Variants in IL34 observed in about 807,000 individuals in gnomAD.
IL34 encodes interleukin 34, also known as interleukin-34.
Under a neutral mutation model 25.3 loss-of-function variants are expected in IL34, and 17 were observed. The observed-to-expected ratio is 0.67, with a 90% confidence interval of 0.46 to 1.01. The LOEUF (loss-of-function observed/expected upper bound fraction) is 1.01. IL34 is among the 50% of genes least tolerant of loss of function. IL34 has a pLI of 0.00. For missense variants in IL34, 368 were observed against 312.9 expected (o/e 1.18, Z -1.33); for synonymous variants, 174 against 140.9 (o/e 1.23, Z -1.66).
intron 1 of IL34, among the ~76,000 whole-genome samples, chr16:70,586,311 C>A (rs546425774): frequency 6.6e-6 from 1 of 152,326 alleles, no homozygotes; most frequent in South Asian, 2.1e-4. Context: ...TGGTGGCTCA[C>A]ATCTGTAATC....
chr16:70,649,298 C>T (rs746631139), intron 1 of IL34, among the ~76,000 whole-genome samples: 13 of 152,178 alleles, frequency 8.5e-5, no homozygotes, highest in Non-Finnish European at 2.9e-5. Flanking sequence ...TTTATACCCA[C>T]CTTTAATTGC....
chr16:70,637,497 C>G (rs979431140), intron 1 of IL34, among the ~76,000 whole-genome samples: 1 of 150,866 alleles, frequency 6.6e-6, no homozygotes, highest in South Asian at 2.2e-4. Flanking sequence ...AGGCATACAC[C>G]ATCAGGCCCG....
intron 1 of IL34, among the ~76,000 whole-genome samples, chr16:70,623,020 G>A (rs2051313974): frequency 6.6e-6 from 1 of 152,044 alleles, no homozygotes; most frequent in African/African-American, 2.4e-5. Flanking sequence ...TGTTTTGTAA[G>A]GGATTGAGGT....
At chr16:70,658,736 G>A (rs899591330) in intron 4 of IL34, among the ~76,000 whole-genome samples, 1 of 152,132 alleles carries the variant, frequency 6.6e-6, no homozygotes, top group Non-Finnish European at 1.5e-5. Context: ...CTCCCAAAGT[G>A]CTGGGATTAC....
rs2052283185 is a variant in IL34 at position 70,658,151 on chromosome 16, TGTC to T, written c.402+1032_402+1034del. On this transcript the variant is annotated intron_variant, in intron 4 of 5. Coordinates refer to ENST00000288098, the MANE Select transcript of IL34 (RefSeq NM_001393494.1). ...AGCCAGCTGCTGACAAGGCCCAGCT[TGTC>T]GGGAGAACATCCCAGGCCAACTGTG... 2.0e-5 allele frequency among the ~76,000 whole-genome samples: 3 copies of T among 152,156 alleles called. No homozygotes were observed. In the South Asian group the frequency reaches 6.2e-4, roughly 32 times the overall value.
At chr16:70,654,704 C>A in intron 2 of IL34, 33 bp downstream of exon 2, 1 of 1,572,488 alleles carries the variant, frequency 6.4e-7, no homozygotes, top group Admixed American at 1.7e-5. Context: ...TGTCCCTGTC[C>A]CCGCGTCCCG....
At chr16:70,647,687 C>G in intron 1 of IL34, among the ~76,000 whole-genome samples, 1 of 152,188 alleles carries the variant, frequency 6.6e-6, no homozygotes, top group East Asian at 1.9e-4. Context: ...TGTCTCGTGC[C>G]TCTGTCTCCA....
At position 70,630,762 on chromosome 16, in the gene IL34, G is replaced by A. The variant is rs150170968; in HGVS notation, c.-400-15786G>A. ...AATTTTTATATTTTTTTGTAGAGAC[G>A]GGGTTTCGCCATGTTGCCCAGGCTG... On this transcript the variant is annotated intron_variant, in intron 1 of 6. Coordinates refer to the IL34 transcript ENST00000429149. Among the ~76,000 whole-genome samples, 840 of 151,920 alleles carry A rather than the reference G, an allele frequency of 5.5e-3. 3 individuals are homozygous for A. The highest frequency in any genetic ancestry group is 0.019 in the African/African-American group (778 of 41,408).
intron 1 of IL34, among the ~76,000 whole-genome samples, chr16:70,619,071 GAACT>G (rs2051222335): frequency 6.6e-6 from 1 of 152,202 alleles, no homozygotes; most frequent in Non-Finnish European, 1.5e-5. Flanking sequence ...CATAGATCCT[GAACT>G]AACTTGTAAG....
chr16:70,599,293 C>CTTTCTTTTCTTTCTTTCTTTCTTTCTTCT (rs113794220), intron 1 of IL34, among the ~76,000 whole-genome samples: 22 of 132,788 alleles, frequency 1.7e-4, no homozygotes, highest in Middle Eastern at 7.2e-3. Flanking sequence ...TTCTTTCTTT[C>CTTTCTTTTCTTTCTTTCTTTCTTTCTTCT]TTCTTTCTTT....
upstream of IL34, among the ~76,000 whole-genome samples, chr16:70,645,995 G>A (rs561024516): frequency 3.9e-5 from 6 of 152,318 alleles, no homozygotes; most frequent in South Asian, 1.2e-3. Flanking sequence ...GGAGGCTGCA[G>A]TGAGCCAAAA....
rs150148069 is a variant in IL34, at chr16:70,611,786, G to A, written c.-401+31737G>A. Among the ~76,000 whole-genome samples, 966 of 152,144 alleles carry A rather than the reference G, an allele frequency of 6.3e-3. 13 individuals carry two copies. Among genetic ancestry groups the A allele is most frequent in the African/African-American group, 0.022 (912 of 41,492 alleles). Reference sequence around the variant, plus strand: ...TGGAACCCAAGAGGCAGAGGTTGCAGTGAGCCGAGATCACACCACTGCACT... The same window carrying A: ...TGGAACCCAAGAGGCAGAGGTTGCAATGAGCCGAGATCACACCACTGCACT... On this transcript the variant is annotated intron_variant, in intron 1 of 6. Coordinates refer to the IL34 transcript ENST00000429149.
At chr16:70,613,487 G>A (rs1239650669) in intron 1 of IL34, among the ~76,000 whole-genome samples, 2 of 152,184 alleles carry the variant, frequency 1.3e-5, no homozygotes, top group Admixed American at 6.5e-5. Flanking sequence ...TTCCTCATCT[G>A]TGAAACAACT....
intron 1 of IL34, among the ~76,000 whole-genome samples, chr16:70,599,293 C>CTTTCTTTCTTTCTTTCTTTCTTTCT (rs113794220): frequency 7.5e-6 from 1 of 132,702 alleles, no homozygotes; most frequent in South Asian, 2.7e-4. Flanking sequence ...TTCTTTCTTT[C>CTTTCTTTCTTTCTTTCTTTCTTTCT]TTCTTTCTTT....
intron 1 of IL34, among the ~76,000 whole-genome samples, chr16:70,599,581 T>C (rs912684718): frequency 5.3e-5 from 8 of 151,416 alleles, no homozygotes; most frequent in African/African-American, 1.9e-4. Flanking sequence ...TTGGCCAGGT[T>C]GGTCTCAGGT....
intron 1 of IL34, among the ~76,000 whole-genome samples, chr16:70,585,919 C>T (rs2050689445): frequency 6.6e-6 from 1 of 151,028 alleles, no homozygotes; most frequent in Admixed American, 6.6e-5. Context: ...CTGCAAGCTC[C>T]GCCTCCCAGG....
intron 1 of IL34, among the ~76,000 whole-genome samples, chr16:70,589,008 A>C (rs904198528): frequency 6.6e-6 from 1 of 152,172 alleles, no homozygotes; most frequent in Admixed American, 6.6e-5. Flanking sequence ...ATTTAATGCC[A>C]CTGGGAAAAA....
chr16:70,617,954 T>G (rs1395406756), intron 1 of IL34, among the ~76,000 whole-genome samples: 1 of 152,080 alleles, frequency 6.6e-6, no homozygotes, highest in African/African-American at 2.4e-5. Flanking sequence ...TAAGAGGTAT[T>G]TTAGTTATCT....
chr16:70,652,663 AAAAT>A (rs2151878615), intron 1 of IL34, among the ~76,000 whole-genome samples: 1 of 152,302 alleles, frequency 6.6e-6, no homozygotes, highest in African/African-American at 2.4e-5. Flanking sequence ...TCACTGTTAT[AAAAT>A]AAATGCTGCT....
Sources: gnomAD v4.1 joint callset for allele counts (sites outside exome capture counted in the v4.1 genomes callset) on GRCh38, gnomAD v4.1.1 for gene constraint, MANE v1.5 for transcripts, NCBI Gene and HGNC (gene_info 2026-07-23, HGNC 2026-07-21) for gene names.